CSGALNACT1: variants seen among roughly 807,000 people sequenced by gnomAD.
CSGALNACT1 encodes the protein chondroitin sulfate N-acetylgalactosaminyltransferase 1, also known as beta4GalNAcT-1.
CSGALNACT1 carries 52 observed loss-of-function variants against 51.0 expected under a neutral mutation model. The observed-to-expected ratio is 1.02, with a 90% CI of 0.82 to 1.29. The LOEUF (loss-of-function observed/expected upper bound fraction) is 1.29. Ranked by LOEUF, CSGALNACT1 falls within the 50% of genes most tolerant of loss-of-function variation. The pLI, the probability that CSGALNACT1 is intolerant of heterozygous loss-of-function variation, is 0.00. For synonymous variants in CSGALNACT1, 341 were observed against 254.4 expected, an observed-to-expected ratio of 1.34 and a Z score of -3.24; for missense variants, 935 against 679.2, an observed-to-expected ratio of 1.38 and a Z score of -4.19.
chr8:19,453,802 C>A (rs2063596635), intron 5 of CSGALNACT1, among the ~76,000 whole-genome samples: 1 of 152,000 alleles, frequency 6.6e-6, no homozygotes, highest in African/African-American at 2.4e-5. Context: ...GTCCCAGCTA[C>A]TCGGGAGGCT....
chr8:19,693,892 T>C (rs1434854998), intron 1 of CSGALNACT1, among the ~76,000 whole-genome samples: 1 of 152,196 alleles, frequency 6.6e-6, no homozygotes, highest in Non-Finnish European at 1.5e-5. Flanking sequence ...TCTGAGGATC[T>C]CAATACATAT....
intron 1 of CSGALNACT1, among the ~76,000 whole-genome samples, chr8:19,648,164 C>T (rs1044506947): frequency 1.3e-5 from 2 of 152,190 alleles, no homozygotes; most frequent in Admixed American, 1.3e-4. Flanking sequence ...CACTTACTTG[C>T]TCCTTCCAAC....
At chr8:19,429,687 T>C (rs936390386) in intron 6 of CSGALNACT1, among the ~76,000 whole-genome samples, 1 of 152,268 alleles carries the variant, frequency 6.6e-6, no homozygotes, top group Non-Finnish European at 1.5e-5. Flanking sequence ...GCTATGAACA[T>C]TCATGTACAG....
chr8:19,673,281 G>T (rs1344129461), intron 1 of CSGALNACT1, among the ~76,000 whole-genome samples: 2 of 152,224 alleles, frequency 1.3e-5, no homozygotes, highest in Non-Finnish European at 2.9e-5. Flanking sequence ...AACTACTGCA[G>T]CTTCACAACT....
chr8:19,424,042 G>A (rs2058387319), intron 6 of CSGALNACT1, among the ~76,000 whole-genome samples: 1 of 152,010 alleles, frequency 6.6e-6, no homozygotes, highest in African/African-American at 2.4e-5. Context: ...GCTTTGCCTG[G>A]GACTTTCATC....
At chr8:19,478,271 G>A (rs899479543) in intron 4 of CSGALNACT1, among the ~76,000 whole-genome samples, 14 of 152,100 alleles carry the variant, frequency 9.2e-5, no homozygotes, top group African/African-American at 1.4e-4. Flanking sequence ...AAAATTGGCC[G>A]GGTGTGGTGG....
intron 1 of CSGALNACT1, among the ~76,000 whole-genome samples, chr8:19,718,379 G>A (rs2062932614): frequency 6.6e-6 from 1 of 152,092 alleles, no homozygotes; most frequent in African/African-American, 2.4e-5. Flanking sequence ...TGAGTTTACA[G>A]GCGTGAGCCA....
chr8:19,548,573 A>G (rs1289441327), intron 3 of CSGALNACT1, among the ~76,000 whole-genome samples: 1 of 152,236 alleles, frequency 6.6e-6, no homozygotes, highest in Admixed American at 6.5e-5. Flanking sequence ...TTATTTTTAA[A>G]ACATTTTGTG....
intron 1 of CSGALNACT1, among the ~76,000 whole-genome samples, chr8:19,664,825 G>A (rs1163666888): frequency 6.6e-6 from 1 of 152,182 alleles, no homozygotes; most frequent in Non-Finnish European, 1.5e-5. Context: ...TTATAAGTGT[G>A]AGCTAAATAA....
At chr8:19,662,382 T>TA (rs908525457) in intron 1 of CSGALNACT1, among the ~76,000 whole-genome samples, 18 of 151,940 alleles carry the variant, frequency 1.2e-4, no homozygotes, top group African/African-American at 4.4e-4. Context: ...TTCTTGCCTC[T>TA]AAAAAAGAAA....
intron 3 of CSGALNACT1, among the ~76,000 whole-genome samples, chr8:19,541,640 T>TGCCTCCTGATGTGTTG (rs2085189763): frequency 6.9e-6 from 1 of 144,604 alleles, no homozygotes; most frequent in Admixed American, 7.1e-5. Context: ...CCTCAGGTGA[T>TGCCTCCTGATGTGTTG]GCACCCTGTG....
intron 3 of CSGALNACT1, among the ~76,000 whole-genome samples, chr8:19,541,277 G>A (rs916841484): frequency 2.2e-5 from 3 of 137,824 alleles, no homozygotes; most frequent in South Asian, 4.6e-4. Context: ...TTGAGACGGA[G>A]TCTTGCTTAG....
At chr8:19,743,860 T>C (rs1403467681) in intron 1 of CSGALNACT1, among the ~76,000 whole-genome samples, 1 of 152,144 alleles carries the variant, frequency 6.6e-6, no homozygotes, top group African/African-American at 2.4e-5. Context: ...TTTTTAGAGG[T>C]TTCATAATCT....
chr8:19,410,363 T>C (rs999269987), intron 8 of CSGALNACT1, among the ~76,000 whole-genome samples: 6 of 152,242 alleles, frequency 3.9e-5, no homozygotes, highest in Non-Finnish European at 8.8e-5. Flanking sequence ...TTTTAAAATA[T>C]GGACTTTGTT....
chr8:19,529,425 C>T (rs1016711318), intron 3 of CSGALNACT1, among the ~76,000 whole-genome samples: 2 of 152,146 alleles, frequency 1.3e-5, no homozygotes, highest in African/African-American at 2.4e-5. Context: ...GAATCCTACT[C>T]AAGGCTGGTG....
intron 3 of CSGALNACT1, among the ~76,000 whole-genome samples, chr8:19,546,184 G>C (rs2086422718): frequency 6.6e-6 from 1 of 152,096 alleles, no homozygotes; most frequent in Non-Finnish European, 1.5e-5. Flanking sequence ...TTTTTAGTAT[G>C]CTTTGCCCAA....
chr8:19,597,617 T>A (rs979065372), intron 2 of CSGALNACT1, among the ~76,000 whole-genome samples: 9 of 152,168 alleles, frequency 5.9e-5, no homozygotes, highest in Non-Finnish European at 1.5e-5. Context: ...CACTTATTTT[T>A]AAACAATTAA....
At chr8:19,688,570 G>C (rs769227394) in intron 1 of CSGALNACT1, among the ~76,000 whole-genome samples, 33 of 152,224 alleles carry the variant, frequency 2.2e-4, no homozygotes, top group Non-Finnish European at 3.8e-4. Flanking sequence ...TCACATACAT[G>C]ATAGAAACAA....
chr8:19,674,429 G>C (rs372921330), intron 1 of CSGALNACT1, among the ~76,000 whole-genome samples: 6 of 152,172 alleles, frequency 3.9e-5, no homozygotes, highest in East Asian at 3.8e-4. Context: ...ATGGTGGCAG[G>C]GGGGAAGACG....
Sources: allele counts gnomAD v4.1 joint callset (sites outside exome capture counted in the v4.1 genomes callset), GRCh38; gene constraint gnomAD v4.1.1; transcripts MANE v1.5; gene names NCBI Gene and HGNC (gene_info 2026-07-23, HGNC 2026-07-21).